Variants in BTN3A3 observed in about 807,000 individuals in gnomAD.
The protein encoded by BTN3A3 is butyrophilin subfamily 3 member A3.
BTN3A3 carries 39 observed loss-of-function variants against 43.2 expected under a neutral mutation model. That is an observed-to-expected ratio of 0.90 (90% CI 0.70 to 1.18). The LOEUF (loss-of-function observed/expected upper bound fraction) is 1.18, where lower values mean the gene tolerates loss of function less well. Among genes scored for constraint, BTN3A3 ranks in the 50% most tolerant of loss-of-function variants. The pLI is 0.00. For missense variants in BTN3A3, 631 were observed against 722.8 expected, an observed-to-expected ratio of 0.87 and a Z score of 1.46; for synonymous variants, 255 against 272.7, an observed-to-expected ratio of 0.93 and a Z score of 0.64.
chr6:26,448,137 T>G, intron 5 of BTN3A3, 111 bp from the exon 6 acceptor site: 48 of 1,246,346 alleles, frequency 3.9e-5, no homozygotes, highest in Non-Finnish European at 4.7e-5. Flanking sequence ...TTTAACCTCA[T>G]GAGATGGATT....
chr6:26,448,141 A>G (rs1477128444), intron 5 of BTN3A3, 107 bp from the exon 6 acceptor site: 3 of 1,290,586 alleles, frequency 2.3e-6, no homozygotes, highest in Non-Finnish European at 3.2e-6. Context: ...ACCTCATGAG[A>G]TGGATTCCAT....
In BTN3A3 at chr6:26,452,043, A is replaced by G. The variant is rs189581403; in HGVS notation, c.1387A>G (p.Ile463Val). The change falls in exon 11 of 11, where the codon ATC (isoleucine) becomes GTC (valine). Residue 463 changes from isoleucine to valine, a missense_variant. Ile to Val is a conservative substitution (Grantham distance 29). This residue lies in a region of BTN3A3 where 551 missense variants were observed against 584.0 expected (regional missense o/e 0.94). Coordinates refer to ENST00000244519, the MANE Select transcript of BTN3A3 (RefSeq NM_006994.5). ...KLPEPPRKVG[I>V]FLDYETGEIS... ...TCCTGAGCCTCCTAGGAAAGTGGGG[A>G]TCTTCCTGGACTATGAGACTGGAGA... The G allele has an allele frequency of 2.5e-4, 406 of 1,614,126 alleles. 3 individuals are homozygous for G. In the East Asian group the frequency reaches 7.4e-3, roughly 30 times the overall value.
chr6:26,444,558 C>G (rs189949428), intron 4 of BTN3A3: 1 of 625,352 alleles, frequency 1.6e-6, no homozygotes, highest in Non-Finnish European at 2.7e-6. Context: ...AAATGAAGGA[C>G]GACGGATAGG....
intron 9 of BTN3A3, 150 bp downstream of exon 9, chr6:26,449,838 C>T: frequency 4.6e-6 from 5 of 1,093,558 alleles, no homozygotes; most frequent in Non-Finnish European, 6.8e-6. Context: ...TTGACTTCTG[C>T]TTTTCTGGAG....
At position 26,450,150 on chromosome 6, in the gene BTN3A3, A is replaced by T. The variant is rs1460240209; in HGVS notation, c.1018+17A>T. ...TCAAACCTGGTGAGTAAATCACTGT[A>T]TGTTCCCTGGATCAACAACCTGAGG... On this transcript the variant is annotated intron_variant, in intron 10 of 10. Coordinates refer to ENST00000244519, the MANE Select transcript of BTN3A3 (RefSeq NM_006994.5). 2 of 1,611,954 alleles carry T rather than the reference A, an allele frequency of 1.2e-6. No individual in the cohort carries two copies. Among genetic ancestry groups the T allele is most frequent in the Admixed American group, 3.3e-5 (2 of 60,004 alleles).
chr6:26,445,831 C>A lies in BTN3A3; in HGVS notation c.561C>A (p.Ile187=). The A allele has an allele frequency of 1.9e-6, 3 of 1,614,190 alleles. No homozygotes were observed. The highest frequency in any genetic ancestry group is 3.3e-4 in the Middle Eastern group (2 of 6,062). ...GGAGCGACACCAAGGGAGAGAACAT[C>A]CCGGCTGTGGAAGCACCTGTGGTTG... ...IKWSDTKGEN[I]PAVEAPVVAD... The change falls in exon 5 of 11, where the codon ATC becomes ATA. Residue 187 remains isoleucine, a synonymous_variant. Transcript: ENST00000244519.
intron 10 of BTN3A3, 139 bp from the exon 11 acceptor site, chr6:26,451,534 TGA>T: frequency 1.4e-6 from 2 of 1,446,406 alleles, no homozygotes; most frequent in East Asian, 2.4e-5. Context: ...ATGACATTGA[TGA>T]GAGAGTCATA....
rs753948316 is a variant in BTN3A3, at chr6:26,448,367, G to A, written c.835G>A (p.Ala279Thr). The change falls in exon 6 of 11, where the codon GCT (alanine) becomes ACT (threonine). Residue 279 changes from alanine (A) to threonine (T), a missense_variant. Physicochemically the swap from Ala to Thr is moderately conservative, Grantham distance 58 (BLOSUM62 0). Coordinates refer to ENST00000244519, the MANE Select transcript of BTN3A3 (RefSeq NM_006994.5). The stretch of plus-strand genomic sequence containing the variant: ...GTGGAGACAACAGAAGGAAAAAATT[G>A]CTCTGTCCAGGGAGACAGAAAGAGA... The part of the protein sequence containing the change: ...FLWRQQKEKI[A>T]LSRETERERE... 143 of 1,613,802 alleles carry A rather than the reference G, an allele frequency of 8.9e-5. 2 individuals are homozygous for A. In the South Asian group the frequency reaches 1.6e-3, roughly 18 times the overall value.
chr6:26,444,440 C>T (rs1433215520), intron 4 of BTN3A3, 136 bp downstream of exon 4: 26 of 1,352,330 alleles, frequency 1.9e-5, no homozygotes, highest in Non-Finnish European at 2.6e-5. Context: ...AACTTAGCTT[C>T]TCTGCAACCC....
In BTN3A3 at chr6:26,446,100, C is replaced by T. The variant is rs1762773531; in HGVS notation, c.715+115C>T. The T allele has an allele frequency of 2.7e-6, 4 of 1,504,646 alleles. No homozygotes were observed. In the South Asian group the frequency reaches 3.8e-5, roughly 14 times the overall value. 93.2% of individuals were successfully genotyped at this position (1,504,646 alleles called of 1,614,324 possible). Reference sequence around the variant, plus strand: ...GCGGTCAACCTGGGTCTCTACAATGCATGTAAGGCTCAAAGCAGGGACCTG... The same window carrying T: ...GCGGTCAACCTGGGTCTCTACAATGTATGTAAGGCTCAAAGCAGGGACCTG... On this transcript the variant is annotated intron_variant, in intron 5 of 10. Coordinates refer to ENST00000244519, the MANE Select transcript of BTN3A3 (RefSeq NM_006994.5).
chr6:26,451,648 A>G (rs754775913), intron 10 of BTN3A3, 27 bp from the exon 11 acceptor site: 2 of 1,590,058 alleles, frequency 1.3e-6, no homozygotes, highest in Non-Finnish European at 1.7e-6. Flanking sequence ...GGCTGACCCC[A>G]TGGACACCTC....
In BTN3A3 at chr6:26,450,137, A is replaced by G. The variant is rs1762890502; in HGVS notation, c.1018+4A>G. 6.2e-7 allele frequency: 1 copy of G among 1,613,158 alleles called. No individual in the cohort carries two copies. Among genetic ancestry groups the G allele is most frequent in the East Asian group, 2.2e-5 (1 of 44,880 alleles). Reference sequence around the variant, plus strand: ...AAAATGGCCCTCTTCAAACCTGGTGAGTAAATCACTGTATGTTCCCTGGAT... The same window carrying G: ...AAAATGGCCCTCTTCAAACCTGGTGGGTAAATCACTGTATGTTCCCTGGAT... On this transcript the variant is annotated splice_donor_region_variant and intron_variant, in intron 10 of 10. Coordinates refer to ENST00000244519, the MANE Select transcript of BTN3A3 (RefSeq NM_006994.5).
chr6:26,448,252 C>T lies in BTN3A3; in HGVS notation c.720C>T (p.Pro240=), dbSNP rs779262268. ...CCACAGCTCTCCCCTTCGCAGACCCCTTCTTCAGGAGCGCCCAGCCCTGGA... is the reference window on the plus strand; with the variant it reads ...CCACAGCTCTCCCCTTCGCAGACCCTTTCTTCAGGAGCGCCCAGCCCTGGA... The part of the protein sequence containing the change: ...EKTASISIAD[P]FFRSAQPWIA... Residue 240 remains proline (P), a synonymous_variant, in exon 6 of 11, where the codon CCC becomes CCT. Coordinates refer to ENST00000244519, the MANE Select transcript of BTN3A3 (RefSeq NM_006994.5). 13 of 1,613,406 alleles carry T rather than the reference C, an allele frequency of 8.1e-6. No homozygotes were observed. Among genetic ancestry groups the T allele is most frequent in the Non-Finnish European group, 1.1e-5 (13 of 1,179,872 alleles).
At position 26,450,130 on chromosome 6, in the gene BTN3A3, C is replaced by T; in HGVS notation, c.1015C>T (p.Pro339Ser). 6.2e-7 allele frequency: 1 copy of T among 1,613,396 alleles called. No individual in the cohort carries two copies. Among genetic ancestry groups the T allele is most frequent in the Non-Finnish European group, 8.5e-7 (1 of 1,179,356 alleles). ...AGAATGGAAAATGGCCCTCTTCAAACCTGGTGAGTAAATCACTGTATGTTC... is the reference window on the plus strand; with the variant it reads ...AGAATGGAAAATGGCCCTCTTCAAATCTGGTGAGTAAATCACTGTATGTTC... ...YHEWKMALFK[P>S]ADVILDPDTA... The change falls in exon 10 of 11, where the codon CCT becomes TCT. Residue 339 changes from proline to serine, a missense_variant. Transcript: ENST00000244519.
chr6:26,446,040 AG>A, intron 5 of BTN3A3, 55 bp downstream of exon 5: 1 of 1,601,704 alleles, frequency 6.2e-7, no homozygotes, highest in South Asian at 1.1e-5. Context: ...CAGGTGATGA[AG>A]GGGGATGTGT....
Position 26,452,156 on chromosome 6 carries a change from A to C in BTN3A3, c.1500A>C (p.Arg500Ser). 6.2e-7 allele frequency: 1 copy of C among 1,614,164 alleles called. No homozygotes were observed. The highest frequency in any genetic ancestry group is 8.5e-7 in the Non-Finnish European group (1 of 1,180,030). The change falls in exon 11 of 11, where the codon AGA (arginine) becomes AGC (serine). Residue 500 changes from arginine (R) to serine (S), a missense_variant. By Grantham distance (110) the Arg-to-Ser change is moderately radical. Around this residue, in one of 2 missense-constraint regions of BTN3A3, gnomAD observed 551 missense variants for 584.0 expected, o/e 0.94. Coordinates refer to ENST00000244519, the MANE Select transcript of BTN3A3 (RefSeq NM_006994.5). Reference sequence around the variant, plus strand: ...CTGAGCCTCTATATCCTGTTTTCAGAATTTTGACCTTGGAGCCCACTGCCC... The same window carrying C: ...CTGAGCCTCTATATCCTGTTTTCAGCATTTTGACCTTGGAGCCCACTGCCC... ...SFSEPLYPVFRILTLEPTALT... is the reference protein window; with the variant it reads ...SFSEPLYPVFSILTLEPTALT...
At chr6:26,441,405 AT>A (rs1323142844) in intron 1 of BTN3A3, among the ~76,000 whole-genome samples, 3 of 152,024 alleles carry the variant, frequency 2.0e-5, no homozygotes, top group Non-Finnish European at 4.4e-5. Flanking sequence ...TACTTTACTA[AT>A]TTTGGCTATT....
Position 26,448,209 on chromosome 6 carries a change from T to C in BTN3A3, c.716-39T>C, listed in dbSNP as rs373767903. 1.2e-4 allele frequency: 190 copies of C among 1,603,386 alleles called. 2 individuals carry two copies. The Middle Eastern group carries it at 4.3e-3, about 36-fold the overall frequency. ...GGGTGCTGAGGCTGGGGAGGCTGAG[T>C]GCACTAGCTCCCATGACCCACAGCT... On this transcript the variant is annotated intron_variant, in intron 5 of 10. Coordinates refer to ENST00000244519, the MANE Select transcript of BTN3A3 (RefSeq NM_006994.5).
intron 8 of BTN3A3, 47 bp downstream of exon 8, chr6:26,448,801 ACT>A: frequency 6.2e-7 from 1 of 1,609,640 alleles, no homozygotes; most frequent in South Asian, 1.1e-5. Flanking sequence ...TGAATCTATG[ACT>A]CTCTTCTGCT....
Sources: gnomAD v4.1 joint callset for allele counts (sites outside exome capture counted in the v4.1 genomes callset) on GRCh38, gnomAD v4.1.1 for gene constraint, gnomAD v4.1.1 regional missense constraint, MANE v1.5 for transcripts, NCBI Gene and HGNC (gene_info 2026-07-23, HGNC 2026-07-21) for gene names.